Variants in FOCAD observed in about 807,000 individuals in gnomAD.
The protein encoded by FOCAD is KIAA1797.
FOCAD carries 198 observed loss-of-function variants against 225.6 expected under a neutral mutation model. That is an observed-to-expected ratio of 0.88 (90% CI 0.78 to 0.99). The LOEUF is 0.99. Ranked by LOEUF, FOCAD falls within the 50% of genes least tolerant of loss-of-function variation. The pLI, the probability that FOCAD is intolerant of heterozygous loss-of-function variation, is 0.00. For synonymous variants in FOCAD, 897 were observed against 755.0 expected (o/e 1.19, Z -3.08); for missense variants, 2,713 against 2,123.6 (o/e 1.28, Z -5.46).
At chr9:20,799,605 CCTT>C (rs1176309314) in intron 11 of FOCAD, among the ~76,000 whole-genome samples, 7 of 151,578 alleles carry the variant, frequency 4.6e-5, no homozygotes, top group African/African-American at 1.7e-4. Flanking sequence ...TATGTAATGG[CCTT>C]CTTTGTCTGT....
At position 20,948,840 on chromosome 9, in the gene FOCAD, TTTG is replaced by T. The variant is rs777793993; in HGVS notation, c.3799-8_3799-6del. ...ATTCCCTCTTTTCATATTCTGATGC[TTTG>T]TTTTCAGGGCACTCCCACAATGCTT... On this transcript the variant is annotated splice_region_variant and splice_polypyrimidine_tract_variant and intron_variant, in intron 31 of 43. Coordinates refer to ENST00000338382, the MANE Select transcript of FOCAD (RefSeq NM_001375567.1). 3.7e-6 allele frequency: 6 copies of T among 1,613,306 alleles called. No homozygotes were observed. Among genetic ancestry groups the T allele is most frequent in the Non-Finnish European group, 5.1e-6 (6 of 1,179,370 alleles).
rs774615177 is a variant in FOCAD, at chr9:20,929,427, C to G, written c.3148C>G (p.Leu1050Val). 1.4e-5 allele frequency: 22 copies of G among 1,614,114 alleles called. No homozygotes were observed. The highest frequency in any genetic ancestry group is 1.9e-5 in the Non-Finnish European group (22 of 1,180,014). Residue 1050 changes from leucine (L) to valine (V), a missense_variant, in exon 27 of 44, where the codon CTT (leucine) becomes GTT (valine). By Grantham distance (32) the Leu-to-Val change is conservative (BLOSUM62 1). Transcript: ENST00000338382. ...RSAAATALSLLVPVFIISCKE... is the reference protein window; with the variant it reads ...RSAAATALSLVVPVFIISCKE... ...TGCTGCCGCCACGGCTTTGTCTCTC[C>G]TTGTGCCAGTTTTCATTATCTCTTG...
At chr9:20,697,193 T>G (rs1002447762) in intron 1 of FOCAD, among the ~76,000 whole-genome samples, 2 of 152,230 alleles carry the variant, frequency 1.3e-5, no homozygotes, top group African/African-American at 4.8e-5. Context: ...TCTCTACTGC[T>G]GTTATCCTTG....
chr9:20,913,014 G>C, intron 23 of FOCAD, 60 bp downstream of exon 23: 1 of 1,381,188 alleles, frequency 7.2e-7, no homozygotes, highest in Non-Finnish European at 1.0e-6. Context: ...TGAGGGGAAA[G>C]GTAACTACTT....
chr9:20,859,736 G>A (rs1283003970), intron 15 of FOCAD, among the ~76,000 whole-genome samples: 1 of 147,874 alleles, frequency 6.8e-6, no homozygotes, highest in African/African-American at 2.5e-5. Flanking sequence ...ATAAAAAGAA[G>A]TGAGCACTAA....
Position 20,951,055 on chromosome 9 carries a change from T to G in FOCAD, c.4008T>G (p.His1336Gln), listed in dbSNP as rs1206509162. Reference sequence around the variant, plus strand: ...CAAATGCAGTCTGGCTTCTTGGACATCTTCATCTATCTACTCTATCCTCAA... The same window carrying G: ...CAAATGCAGTCTGGCTTCTTGGACAGCTTCATCTATCTACTCTATCCTCAA... ...LQSNAVWLLGHLHLSTLSSSQ... is the reference protein window; with the variant it reads ...LQSNAVWLLGQLHLSTLSSSQ... Residue 1336 changes from histidine (H) to glutamine (Q), a missense_variant, in exon 34 of 44, where the codon CAT becomes CAG. Physicochemically the swap from His to Gln is conservative, Grantham distance 24. Transcript: ENST00000338382. 5 of 1,613,642 alleles carry G rather than the reference T, an allele frequency of 3.1e-6. No individual in the cohort carries two copies. Among genetic ancestry groups the G allele is most frequent in the Non-Finnish European group, 4.2e-6 (5 of 1,179,630 alleles).
intron 1 of FOCAD, among the ~76,000 whole-genome samples, chr9:20,696,607 C>G (rs1048882849): frequency 2.0e-5 from 3 of 152,082 alleles, no homozygotes; most frequent in African/African-American, 7.2e-5. Flanking sequence ...AGTTTGAGAC[C>G]AGCCTGGGCA....
At chr9:20,845,816 T>C (rs1255849637) in intron 15 of FOCAD, among the ~76,000 whole-genome samples, 2 of 152,088 alleles carry the variant, frequency 1.3e-5, no homozygotes, top group African/African-American at 4.8e-5. Flanking sequence ...TGTTGACCAT[T>C]GTAACTAAAT....
rs578048059 is a variant in FOCAD, at chr9:20,962,190, T to C, written c.4132+9125T>C. ...AAGTTAGATTACTTATGTGATACTT[T>C]CCTATATATTTTCATGGTGCGTAAT... On this transcript the variant is annotated intron_variant, in intron 35 of 43. Coordinates refer to ENST00000338382, the MANE Select transcript of FOCAD (RefSeq NM_001375567.1). Among the ~76,000 whole-genome samples the C allele has an allele frequency of 2.6e-5, 4 of 152,236 alleles. No homozygotes were observed. The East Asian group carries it at 5.8e-4, about 22-fold the overall frequency.
chr9:20,845,732 C>G lies in FOCAD; in HGVS notation c.1921-16846C>G, dbSNP rs371635735. On this transcript the variant is annotated intron_variant, in intron 15 of 43. Transcript: ENST00000338382. ...CTACCTGTATTATACGGGAGTGCTG[C>G]TTTCTCTATAAGCTTTTCTGCATAG... is the stretch of plus-strand genomic sequence containing the variant. Among the ~76,000 whole-genome samples the G allele has an allele frequency of 3.3e-5, 5 of 152,036 alleles. 1 individual carries two copies. The highest frequency in any genetic ancestry group is 1.2e-4 in the African/African-American group (5 of 41,496).
chr9:20,937,498 A>C (rs1836114817), intron 28 of FOCAD, among the ~76,000 whole-genome samples: 1 of 151,800 alleles, frequency 6.6e-6, no homozygotes, highest in African/African-American at 2.4e-5. Flanking sequence ...CTATTTAATA[A>C]ATGGTGCTGG....
chr9:20,825,097 G>T (rs562162945), intron 15 of FOCAD, among the ~76,000 whole-genome samples: 8 of 151,102 alleles, frequency 5.3e-5, no homozygotes, highest in South Asian at 2.1e-4. Context: ...GAGGCTTGAT[G>T]ATGGTAGTAA....
At chr9:20,785,402 C>A (rs1231554417) in intron 10 of FOCAD, among the ~76,000 whole-genome samples, 4 of 152,084 alleles carry the variant, frequency 2.6e-5, no homozygotes, top group Non-Finnish European at 5.9e-5. Flanking sequence ...CCTAATTCCC[C>A]CCTTTTTTCC....
At chr9:20,839,183 G>A (rs1826268933) in intron 15 of FOCAD, among the ~76,000 whole-genome samples, 1 of 151,654 alleles carries the variant, frequency 6.6e-6, no homozygotes, top group Admixed American at 6.6e-5. Context: ...TGTTAGCCAT[G>A]CTTATTCCAG....
chr9:20,656,444 T>C (rs139642144), upstream of FOCAD, among the ~76,000 whole-genome samples: 33,224 of 152,060 alleles, frequency 0.22, 3,950 homozygotes, highest in Non-Finnish European at 0.26. Context: ...GGACTTGCTT[T>C]ATGCATCTTG....
chr9:20,988,261 G>T, intron 40 of FOCAD, 71 bp from the exon 41 acceptor site: 1 of 921,842 alleles, frequency 1.1e-6, no homozygotes, highest in Non-Finnish European at 1.7e-6. Flanking sequence ...AGTTATGATG[G>T]TTGTTACTGA....
chr9:20,911,663 T>A (rs1014373195), intron 22 of FOCAD, among the ~76,000 whole-genome samples: 2 of 152,150 alleles, frequency 1.3e-5, no homozygotes, highest in Admixed American at 1.3e-4. Flanking sequence ...AGATATTTGT[T>A]GGCCACTTTT....
chr9:20,943,024 C>G (rs1182491098), intron 28 of FOCAD, among the ~76,000 whole-genome samples: 1 of 152,188 alleles, frequency 6.6e-6, no homozygotes, highest in Non-Finnish European at 1.5e-5. Flanking sequence ...CTAATTATAT[C>G]TTTGGTCTAA....
At chr9:20,834,113 G>A (rs765815156) in intron 15 of FOCAD, among the ~76,000 whole-genome samples, 9 of 152,046 alleles carry the variant, frequency 5.9e-5, no homozygotes, top group Non-Finnish European at 1.3e-4. Flanking sequence ...GGAATACTGT[G>A]CAGTCATAAA....
Sources: gnomAD v4.1 joint callset for allele counts (sites outside exome capture counted in the v4.1 genomes callset) on GRCh38, gnomAD v4.1.1 for gene constraint, MANE v1.5 for transcripts, NCBI Gene and HGNC (gene_info 2026-07-23, HGNC 2026-07-21) for gene names.